The following NSMCE2 variants were observed in gnomAD, a reference collection of about 807,000 sequenced individuals.
The protein encoded by NSMCE2 is E3 SUMO-protein ligase NSE2.
NSMCE2 carries 24 observed loss-of-function variants against 23.8 expected under a neutral mutation model. That is an observed-to-expected ratio of 1.01 (90% CI 0.73 to 1.42). The LOEUF is 1.42. Ranked by LOEUF, NSMCE2 falls within the 40% of genes most tolerant of loss-of-function variation. The pLI, the probability that NSMCE2 is intolerant of heterozygous loss-of-function variation, is 0.00. For missense variants in NSMCE2, 284 were observed against 296.5 expected (o/e 0.96, Z 0.31); for synonymous variants, 92 against 94.1 (o/e 0.98, Z 0.13).
intron 5 of NSMCE2, among the ~76,000 whole-genome samples, chr8:125,225,388 C>CT (rs1436685273): frequency 3.9e-5 from 6 of 152,316 alleles, no homozygotes; most frequent in Admixed American, 3.9e-4. Context: ...CCCAACAGTT[C>CT]TTTTTTGTAG....
At chr8:125,262,695 G>C (rs1161545958) in intron 5 of NSMCE2, among the ~76,000 whole-genome samples, 1 of 151,378 alleles carries the variant, frequency 6.6e-6, no homozygotes, top group East Asian at 1.9e-4. Context: ...TGGAAGTCTA[G>C]TTTTTTTTTC....
At chr8:125,141,665 G>T (rs1283087165) in intron 3 of NSMCE2, among the ~76,000 whole-genome samples, 1 of 152,186 alleles carries the variant, frequency 6.6e-6, no homozygotes. Flanking sequence ...TCATTCCCAA[G>T]TGTTTTTGTT....
chr8:125,291,197 C>T (rs1392293638), intron 5 of NSMCE2, among the ~76,000 whole-genome samples: 1 of 152,144 alleles, frequency 6.6e-6, no homozygotes, highest in Non-Finnish European at 1.5e-5. Context: ...CCCAAAGTAG[C>T]TGTACTAACT....
intron 5 of NSMCE2, among the ~76,000 whole-genome samples, chr8:125,310,222 AATAC>A (rs1179430824): frequency 6.6e-6 from 1 of 152,208 alleles, no homozygotes; most frequent in Non-Finnish European, 1.5e-5. Context: ...AAATAAGGAA[AATAC>A]ATAACTCAGA....
intron 5 of NSMCE2, among the ~76,000 whole-genome samples, chr8:125,328,237 C>T (rs1829751786): frequency 6.7e-6 from 1 of 149,236 alleles, no homozygotes; most frequent in Non-Finnish European, 1.5e-5. Flanking sequence ...ATATTCTAAA[C>T]TTGATGTATG....
chr8:125,116,339 A>G (rs1262235667), intron 3 of NSMCE2, among the ~76,000 whole-genome samples: 2 of 152,234 alleles, frequency 1.3e-5, no homozygotes, highest in Non-Finnish European at 2.9e-5. Flanking sequence ...CCTTCAGTGC[A>G]ATGACAATGA....
chr8:125,097,540 T>G (rs1817996508), intron 1 of NSMCE2, among the ~76,000 whole-genome samples: 7 of 152,222 alleles, frequency 4.6e-5, no homozygotes, highest in Admixed American at 3.9e-4. Flanking sequence ...CCTTTCCAAA[T>G]CCTGAGTACC....
At chr8:125,200,313 A>G (rs1280081494) in intron 5 of NSMCE2, among the ~76,000 whole-genome samples, 1 of 152,088 alleles carries the variant, frequency 6.6e-6, no homozygotes, top group South Asian at 2.1e-4. Context: ...GGCTGGTACC[A>G]GTTGTTCCTT....
At chr8:125,217,379 G>A (rs1211178169) in intron 5 of NSMCE2, among the ~76,000 whole-genome samples, 1 of 150,874 alleles carries the variant, frequency 6.6e-6, no homozygotes, top group South Asian at 2.1e-4. Context: ...TATTTATTTT[G>A]AGATGGAGTC....
intron 4 of NSMCE2, among the ~76,000 whole-genome samples, chr8:125,177,583 C>T (rs1045752091): frequency 2.0e-5 from 3 of 152,156 alleles, no homozygotes; most frequent in African/African-American, 7.2e-5. Context: ...GGCAGCGGGC[C>T]AGACACTAGG....
At chr8:125,116,701 T>C (rs1819020833) in intron 3 of NSMCE2, among the ~76,000 whole-genome samples, 1 of 152,136 alleles carries the variant, frequency 6.6e-6, no homozygotes, top group Non-Finnish European at 1.5e-5. Context: ...ATGTCTGTGA[T>C]GTTACCTGTC....
intron 5 of NSMCE2, among the ~76,000 whole-genome samples, chr8:125,344,324 AAT>A (rs1563796793): frequency 6.6e-6 from 1 of 152,178 alleles, no homozygotes; most frequent in African/African-American, 2.4e-5. Context: ...TTACTCTCCA[AAT>A]ATCTCAGAAA....
chr8:125,243,277 A>G (rs1181704985), intron 5 of NSMCE2, among the ~76,000 whole-genome samples: 1 of 152,214 alleles, frequency 6.6e-6, no homozygotes, highest in Non-Finnish European at 1.5e-5. Flanking sequence ...GGAAATTCTT[A>G]CAGTGACAGG....
intron 5 of NSMCE2, among the ~76,000 whole-genome samples, chr8:125,238,206 A>G (rs751765472): frequency 6.6e-6 from 1 of 152,152 alleles, no homozygotes; most frequent in South Asian, 2.1e-4. Flanking sequence ...TTTCAACAAG[A>G]TTAAGGATAA....
chr8:125,240,864 A>G (rs972811673), intron 5 of NSMCE2, among the ~76,000 whole-genome samples: 3 of 152,202 alleles, frequency 2.0e-5, no homozygotes, highest in Admixed American at 6.5e-5. Context: ...ACAAAATGTT[A>G]GGAACAACTG....
chr8:125,299,804 CTTT>C (rs58789139), intron 5 of NSMCE2, among the ~76,000 whole-genome samples: 4,838 of 68,656 alleles, frequency 0.07, 4 homozygotes, highest in African/African-American at 0.14. Context: ...TTTTGGCTTT[CTTT>C]TTTTTTTTTT....
chr8:125,358,451 A>G (rs970001112), intron 7 of NSMCE2, among the ~76,000 whole-genome samples: 3 of 150,112 alleles, frequency 2.0e-5, no homozygotes, highest in Non-Finnish European at 4.4e-5. Context: ...TATGTTATAT[A>G]TTGTTTTATA....
chr8:125,280,523 CA>C (rs1379172716), intron 5 of NSMCE2, among the ~76,000 whole-genome samples: 1 of 152,210 alleles, frequency 6.6e-6, no homozygotes, highest in Non-Finnish European at 1.5e-5. Flanking sequence ...TTCTAACAAA[CA>C]GGATTGTTTT....
intron 4 of NSMCE2, among the ~76,000 whole-genome samples, chr8:125,178,569 T>C (rs1822608395): frequency 6.6e-6 from 1 of 152,194 alleles, no homozygotes; most frequent in Non-Finnish European, 1.5e-5. Context: ...AAATCAGGTA[T>C]TTAAAGAAGT....
Sources: allele counts gnomAD v4.1 joint callset (sites outside exome capture counted in the v4.1 genomes callset), GRCh38; gene constraint gnomAD v4.1.1; transcripts MANE v1.5; gene names NCBI Gene and HGNC (gene_info 2026-07-23, HGNC 2026-07-21).